SORCS2: variants seen among roughly 807,000 people sequenced by gnomAD.
SORCS2 encodes the protein VPS10 domain-containing receptor SorCS2.
In SORCS2, 100 loss-of-function variants were observed where a neutral mutation model predicts 141.6. The observed-to-expected ratio is 0.71, with a 90% CI of 0.60 to 0.83. The LOEUF (loss-of-function observed/expected upper bound fraction) is 0.83. SORCS2 is among the 40% of genes least tolerant of loss of function. The pLI is 0.00. For missense variants in SORCS2, 1,646 were observed against 1,560.2 expected (o/e 1.05, Z -0.93); for synonymous variants, 789 against 676.9 (o/e 1.17, Z -2.57).
intron 2 of SORCS2, among the ~76,000 whole-genome samples, chr4:7,453,125 T>C: frequency 7.3e-6 from 1 of 137,134 alleles, no homozygotes; most frequent in Admixed American, 7.2e-5. Flanking sequence ...AGGAGCTGTG[T>C]GTTGGGGTCA....
At chr4:7,221,533 C>G (rs4689652) in intron 1 of SORCS2, among the ~76,000 whole-genome samples, 36,741 of 152,232 alleles carry the variant, frequency 0.24, 4,684 homozygotes, top group East Asian at 0.45. Context: ...AAGTCACCCA[C>G]CTCTGAGCAG....
intron 21 of SORCS2, among the ~76,000 whole-genome samples, chr4:7,727,694 C>T (rs574002758): frequency 2.6e-5 from 4 of 152,284 alleles, no homozygotes; most frequent in African/African-American, 4.8e-5. Flanking sequence ...GGTTTGCAGT[C>T]CTCAAAGCAC....
chr4:7,244,227 C>A (rs7681336), intron 1 of SORCS2, among the ~76,000 whole-genome samples: 18,932 of 152,268 alleles, frequency 0.12, 1,911 homozygotes, highest in African/African-American at 0.28. Context: ...CTTGGCTAAA[C>A]CCCAGCAGCA....
chr4:7,279,504 C>T (rs1349511559), intron 1 of SORCS2, among the ~76,000 whole-genome samples: 1 of 152,232 alleles, frequency 6.6e-6, no homozygotes, highest in Admixed American at 6.5e-5. Context: ...TTCACTGTTA[C>T]TTGTAACGGC....
chr4:7,726,715 G>A, intron 20 of SORCS2, 65 bp from the exon 21 acceptor site: 1 of 1,577,884 alleles, frequency 6.3e-7, no homozygotes, highest in South Asian at 1.2e-5. Flanking sequence ...GCGACCATAG[G>A]CCAGCGTCCC....
At chr4:7,327,490 A>C (rs1452019570) in intron 1 of SORCS2, among the ~76,000 whole-genome samples, 1 of 152,128 alleles carries the variant, frequency 6.6e-6, no homozygotes, top group Non-Finnish European at 1.5e-5. Flanking sequence ...ATTTCCAAGT[A>C]AGGTCACGTT....
intron 13 of SORCS2, among the ~76,000 whole-genome samples, chr4:7,703,695 G>C (rs1725231767): frequency 6.6e-6 from 1 of 152,128 alleles, no homozygotes; most frequent in African/African-American, 2.4e-5. Context: ...CCCAGACAAG[G>C]AAGCCAGCAG....
intron 2 of SORCS2, among the ~76,000 whole-genome samples, chr4:7,483,441 C>T (rs1218158944): frequency 6.6e-6 from 1 of 151,976 alleles, no homozygotes; most frequent in Non-Finnish European, 1.5e-5. Context: ...ATGCCAGATG[C>T]TAAAAGAAAA....
At chr4:7,271,248 C>T (rs151130797) in intron 1 of SORCS2, among the ~76,000 whole-genome samples, 23 of 152,298 alleles carry the variant, frequency 1.5e-4, no homozygotes, top group African/African-American at 5.3e-4. Flanking sequence ...TCTGAGCCCT[C>T]TCACCACTCC....
intron 1 of SORCS2, among the ~76,000 whole-genome samples, chr4:7,277,472 A>G (rs1157642643): frequency 6.6e-6 from 1 of 152,196 alleles, no homozygotes; most frequent in Non-Finnish European, 1.5e-5. Context: ...TAAGGTAACC[A>G]GGAGTCCTGC....
intron 2 of SORCS2, among the ~76,000 whole-genome samples, chr4:7,454,788 G>A (rs1349347947): frequency 8.1e-5 from 11 of 136,588 alleles, no homozygotes; most frequent in Non-Finnish European, 3.1e-5. Flanking sequence ...TGTGTGTTGG[G>A]GTCTGGTGCT....
intron 1 of SORCS2, among the ~76,000 whole-genome samples, chr4:7,371,230 C>A (rs1351168205): frequency 6.6e-6 from 1 of 152,186 alleles, no homozygotes; most frequent in East Asian, 1.9e-4. Flanking sequence ...CACGTGTGTA[C>A]CCGCTGCAGG....
chr4:7,289,737 G>A (rs1243938112), intron 1 of SORCS2, among the ~76,000 whole-genome samples: 5 of 152,300 alleles, frequency 3.3e-5, no homozygotes, highest in Admixed American at 2.0e-4. Context: ...GCAGCGCTTC[G>A]AGGATAAAAG....
At chr4:7,352,298 C>T (rs1169963558) in intron 1 of SORCS2, among the ~76,000 whole-genome samples, 1 of 152,206 alleles carries the variant, frequency 6.6e-6, no homozygotes, top group Admixed American at 6.5e-5. Flanking sequence ...AGGTTTCCAA[C>T]ACATTCAAGT....
At position 7,292,764 on chromosome 4, in the gene SORCS2, C is replaced by T. The variant is rs562098689; in HGVS notation, c.480+99638C>T. Among the ~76,000 whole-genome samples, 24 of 152,244 alleles carry T rather than the reference C, an allele frequency of 1.6e-4. No homozygotes were observed. In the East Asian group the frequency reaches 3.3e-3, roughly 21 times the overall value. The stretch of plus-strand genomic sequence containing the variant: ...CGGGAATCCCCTGCTGTTTTGGAGA[C>T]GTTGCCATGATGCCCTTGATGAAGA... On this transcript the variant is annotated intron_variant, in intron 1 of 26. Coordinates refer to ENST00000507866, the MANE Select transcript of SORCS2 (RefSeq NM_020777.3).
At chr4:7,396,625 T>G (rs1484122309) in intron 2 of SORCS2, among the ~76,000 whole-genome samples, 1 of 152,196 alleles carries the variant, frequency 6.6e-6, no homozygotes, top group African/African-American at 2.4e-5. Context: ...CCCGCTTCCT[T>G]TTTTTCCTCC....
At chr4:7,580,334 A>C (rs1344909265) in intron 3 of SORCS2, among the ~76,000 whole-genome samples, 1 of 152,070 alleles carries the variant, frequency 6.6e-6, no homozygotes, top group African/African-American at 2.4e-5. Flanking sequence ...AGATGCAGAA[A>C]ACAAAAATAG....
chr4:7,453,914 GTGTTGGGGTCAGGCAC>G (rs1728674542), intron 2 of SORCS2, among the ~76,000 whole-genome samples: 1 of 138,204 alleles, frequency 7.2e-6, no homozygotes, highest in Non-Finnish European at 1.5e-5. Flanking sequence ...TTCAGGTGCT[GTGTTGGGGTCAGGCAC>G]TGTGTTGGGG....
intron 1 of SORCS2, among the ~76,000 whole-genome samples, chr4:7,258,460 G>A (rs1224315271): frequency 6.6e-6 from 1 of 152,190 alleles, no homozygotes; most frequent in East Asian, 1.9e-4. Context: ...TCCATGTCCT[G>A]CAAAGGACAT....
Sources: allele counts gnomAD v4.1 joint callset (sites outside exome capture counted in the v4.1 genomes callset), GRCh38; gene constraint gnomAD v4.1.1; transcripts MANE v1.5; gene names NCBI Gene and HGNC (gene_info 2026-07-23, HGNC 2026-07-21).